TMEM87B: variants seen among roughly 807,000 people sequenced by gnomAD.
TMEM87B encodes the protein transmembrane protein 87B.
Under a neutral mutation model 80.3 loss-of-function variants are expected in TMEM87B, and 83 were observed. The ratio of observed to expected loss-of-function variants is 1.03; its 90% confidence interval spans 0.87 to 1.24. The LOEUF is 1.24. TMEM87B is among the 50% of genes most tolerant of loss of function. The probability of loss-of-function intolerance (pLI) is 0.00; values close to 1 mark genes in which losing one functional copy is unlikely to be tolerated. For synonymous variants in TMEM87B, 219 were observed against 230.5 expected, an observed-to-expected ratio of 0.95 and a Z score of 0.45; for missense variants, 625 against 674.4, an observed-to-expected ratio of 0.93 and a Z score of 0.81.
intron 2 of TMEM87B, among the ~76,000 whole-genome samples, 170 bp downstream of exon 2, chr2:112,060,207 GGCAT>G (rs1330715014): frequency 6.6e-6 from 1 of 151,996 alleles, no homozygotes; most frequent in Non-Finnish European, 1.5e-5. Flanking sequence ...AAGTTAGCTG[GGCAT>G]GGTGGTGGGC....
rs562493162 is a variant in TMEM87B, at chr2:112,113,401, T to C, written c.1608+472T>C. ...AATCTGAAGTGTAAGAATTAAAGAC[T>C]GGATGCACGGAACATTAACTTTCAA... is the stretch of plus-strand genomic sequence containing the variant. On this transcript the variant is annotated intron_variant, in intron 18 of 18. Coordinates refer to ENST00000283206, the MANE Select transcript of TMEM87B (RefSeq NM_032824.3). 2.3e-3 allele frequency among the ~76,000 whole-genome samples: 344 copies of C among 152,352 alleles called. 2 individuals carry two copies. Among genetic ancestry groups the C allele is most frequent in the Non-Finnish European group, 2.3e-3 (154 of 68,034 alleles).
chr2:112,070,626 T>TC (rs899700088), intron 4 of TMEM87B, among the ~76,000 whole-genome samples: 1 of 152,186 alleles, frequency 6.6e-6, no homozygotes, highest in Non-Finnish European at 1.5e-5. Context: ...CCAGCTTTGT[T>TC]CCTTTTGGTT....
At position 112,098,565 on chromosome 2, in the gene TMEM87B, C is replaced by T. The variant is rs780546698; in HGVS notation, c.1273-30C>T. ...ACCTATATGCTTATCAGAAAATTAA[C>T]GTTTCATGCTTGAATTGTCCTTCTT... On this transcript the variant is annotated intron_variant, in intron 13 of 18. Coordinates refer to ENST00000283206, the MANE Select transcript of TMEM87B (RefSeq NM_032824.3). 90 of 1,599,316 alleles carry T rather than the reference C, an allele frequency of 5.6e-5. 1 individual carries two copies. The highest frequency in any genetic ancestry group is 5.0e-4 in the Admixed American group (30 of 59,856).
chr2:112,100,072 C>T (rs1202092051), intron 14 of TMEM87B, among the ~76,000 whole-genome samples: 2 of 152,134 alleles, frequency 1.3e-5, no homozygotes, highest in African/African-American at 2.4e-5. Context: ...ATAATGTTTT[C>T]AGAATGCTGT....
chr2:112,091,742 G>A lies in TMEM87B; in HGVS notation c.1063G>A (p.Asp355Asn), dbSNP rs1679306361. 1 of 1,613,150 alleles carries A rather than the reference G, an allele frequency of 6.2e-7. No individual in the cohort carries two copies. The highest frequency in any genetic ancestry group is 1.3e-5 in the African/African-American group (1 of 74,874). ...TAACCATTTAGCTGTTGTTCTTGAT[G>A]ACATTATTTTAGCAGTTATTGACTC... ...GSNHLAVVLD[D>N]IILAVIDSIF... The change falls in exon 11 of 19, where the codon GAC becomes AAC. Residue 355 changes from aspartate to asparagine, a missense_variant. Coordinates refer to ENST00000283206, the MANE Select transcript of TMEM87B (RefSeq NM_032824.3).
intron 17 of TMEM87B, among the ~76,000 whole-genome samples, chr2:112,112,505 C>T (rs1160349769): frequency 2.0e-5 from 3 of 152,204 alleles, no homozygotes; most frequent in African/African-American, 4.8e-5. Flanking sequence ...ACTAAGTGCT[C>T]TAAAAAGCCC....
intron 11 of TMEM87B, among the ~76,000 whole-genome samples, chr2:112,093,148 C>T (rs1200735290): frequency 6.6e-6 from 1 of 152,130 alleles, no homozygotes; most frequent in Admixed American, 6.5e-5. Flanking sequence ...TCCCATTTTT[C>T]AGGTGTGCTG....
intron 5 of TMEM87B, among the ~76,000 whole-genome samples, 150 bp from the exon 6 acceptor site, chr2:112,077,038 CAAAA>C (rs35044756): frequency 2.3e-5 from 2 of 85,370 alleles, no homozygotes; most frequent in African/African-American, 4.0e-5. Context: ...ACCCCCATCT[CAAAA>C]AAAAAAAAAA....
intron 10 of TMEM87B, 104 bp from the exon 11 acceptor site, chr2:112,091,608 A>G (rs1205051403): frequency 3.8e-6 from 3 of 781,434 alleles, no homozygotes; most frequent in Non-Finnish European, 6.2e-6. Flanking sequence ...GTGGCTTTGT[A>G]AAGTAATGAG....
In TMEM87B at chr2:112,096,118, A is replaced by G. The variant is rs77454806; in HGVS notation, c.1105-926A>G. ...CTCCTGGAGGCCCGCTTGTCTACCT[A>G]TGACAAGGCCGGGCACAGACCCTCT... is the stretch of plus-strand genomic sequence containing the variant. On this transcript the variant is annotated intron_variant, in intron 11 of 18. Transcript: ENST00000283206. Among the ~76,000 whole-genome samples the G allele has an allele frequency of 5.0e-3, 760 of 151,970 alleles. 29 individuals carry two copies. In the East Asian group the frequency reaches 0.097, roughly 19 times the overall value.
At chr2:112,113,698 C>G (rs1679981087) in intron 18 of TMEM87B, among the ~76,000 whole-genome samples, 1 of 143,632 alleles carries the variant, frequency 7.0e-6, no homozygotes, top group South Asian at 2.3e-4. Flanking sequence ...AGATTCATAA[C>G]TCTACAGAAA....
intron 15 of TMEM87B, among the ~76,000 whole-genome samples, chr2:112,105,411 G>A (rs1046906884): frequency 3.3e-5 from 5 of 152,116 alleles, no homozygotes; most frequent in Non-Finnish European, 7.4e-5. Flanking sequence ...AACTCTATGA[G>A]GTAGAAATTA....
intron 7 of TMEM87B, 98 bp from the exon 8 acceptor site, chr2:112,081,237 G>A (rs1447470477): frequency 9.8e-6 from 14 of 1,428,654 alleles, no homozygotes; most frequent in Non-Finnish European, 1.1e-5. Context: ...TGGTTCCAGA[G>A]TGACTGGAAA....
chr2:112,055,810 C>G (rs1376515372), intron 1 of TMEM87B, 54 bp downstream of exon 1: 4 of 1,443,748 alleles, frequency 2.8e-6, no homozygotes, highest in Non-Finnish European at 3.6e-6. Context: ...TCAGGGCCGT[C>G]GTGCGGCTTC....
chr2:112,064,294 A>C (rs974377163), intron 3 of TMEM87B, 41 bp downstream of exon 3: 2 of 1,541,718 alleles, frequency 1.3e-6, no homozygotes, highest in Non-Finnish European at 1.8e-6. Flanking sequence ...AAAGCTATGA[A>C]GGAAAATTAT....
intron 1 of TMEM87B, among the ~76,000 whole-genome samples, chr2:112,057,074 G>A (rs10182764): frequency 0.04 from 6,064 of 152,270 alleles, 112 homozygotes; most frequent in African/African-American, 0.054. Context: ...TCCTGCATGA[G>A]GAAGAGAAGT....
chr2:112,092,174 G>A (rs1679322278), intron 11 of TMEM87B, among the ~76,000 whole-genome samples: 1 of 152,168 alleles, frequency 6.6e-6, no homozygotes, highest in African/African-American at 2.4e-5. Context: ...TAAAAATCAG[G>A]AAAGACTTCA....
chr2:112,064,353 C>A (rs149319291), intron 3 of TMEM87B, 100 bp downstream of exon 3: 14 of 1,021,318 alleles, frequency 1.4e-5, no homozygotes, highest in African/African-American at 1.3e-4. Flanking sequence ...ATAGAGATTA[C>A]AGTTTTAGAA....
In TMEM87B at chr2:112,116,407, C is replaced by A; in HGVS notation, c.*264C>A. 1 of 291,070 alleles carries A rather than the reference C, an allele frequency of 3.4e-6. No homozygotes were observed. The highest frequency in any genetic ancestry group is 6.3e-6 in the Non-Finnish European group (1 of 158,538). The allele number at this position is 291,070 out of a possible 1,614,324, so 18.0% of individuals were successfully genotyped here. A position where few individuals can be genotyped will look rare whatever the true frequency, so the allele number is the denominator to read the frequency against. ...AAAGATCTGCACAGATGCCTCTTAG[C>A]TGATAGGTGGCAGGCCTGTGGGTTT... On this transcript the variant is annotated 3_prime_UTR_variant, in exon 19 of 19. Coordinates refer to ENST00000283206, the MANE Select transcript of TMEM87B (RefSeq NM_032824.3).
Sources: allele counts gnomAD v4.1 joint callset (sites outside exome capture counted in the v4.1 genomes callset), GRCh38; gene constraint gnomAD v4.1.1; transcripts MANE v1.5; gene names NCBI Gene and HGNC (gene_info 2026-07-23, HGNC 2026-07-21).